Variants in RALGPS1 observed in about 807,000 individuals in gnomAD.
RALGPS1 encodes ras-specific guanine nucleotide-releasing factor RalGPS1.
Under a neutral mutation model 78.8 loss-of-function variants are expected in RALGPS1, and 19 were observed. The observed-to-expected ratio is 0.24, with a 90% CI of 0.17 to 0.35. RALGPS1 has a LOEUF of 0.35. Ranked by LOEUF, RALGPS1 falls within the 10% of genes least tolerant of loss-of-function variation. RALGPS1 has a pLI of 1.00. For synonymous variants in RALGPS1, 228 were observed against 256.3 expected (o/e 0.89, Z 1.06); for missense variants, 454 against 688.3 (o/e 0.66, Z 3.81).
At chr9:127,032,023 G>A (rs913900801) in intron 4 of RALGPS1, among the ~76,000 whole-genome samples, 4 of 152,214 alleles carry the variant, frequency 2.6e-5, no homozygotes, top group Non-Finnish European at 5.9e-5. Context: ...AAGACGTTTG[G>A]CGTTCAAGCT....
chr9:127,119,788 CATT>C (rs1207509835), intron 8 of RALGPS1, among the ~76,000 whole-genome samples: 8 of 152,166 alleles, frequency 5.3e-5, no homozygotes, highest in Non-Finnish European at 1.2e-4. Flanking sequence ...CAGACTGCCT[CATT>C]AGTAGTAAGT....
At chr9:127,087,457 C>G (rs188765247) in intron 8 of RALGPS1, 12 of 152,728 alleles carry the variant, frequency 7.9e-5, no homozygotes, top group Non-Finnish European at 7.3e-5. Flanking sequence ...ACATGGTACA[C>G]TTTGTGAGAA....
At chr9:127,045,724 G>A (rs1160616997) in intron 5 of RALGPS1, among the ~76,000 whole-genome samples, 1 of 138,828 alleles carries the variant, frequency 7.2e-6, no homozygotes, top group Non-Finnish European at 1.5e-5. Flanking sequence ...TATAGGCATG[G>A]GTTAGTACAC....
chr9:127,035,135 A>G (rs2046757646), intron 5 of RALGPS1, among the ~76,000 whole-genome samples: 2 of 152,114 alleles, frequency 1.3e-5, no homozygotes, highest in Non-Finnish European at 2.9e-5. Context: ...AAGCATGTCT[A>G]TCTTGTTCAT....
chr9:127,050,166 C>T (rs1160737495), intron 6 of RALGPS1, 34 bp downstream of exon 6: 4 of 1,501,450 alleles, frequency 2.7e-6, no homozygotes, highest in Non-Finnish European at 2.8e-6. Flanking sequence ...CCTTCCTTTC[C>T]CTCTTCTCTC....
In RALGPS1 at chr9:127,043,538, C is replaced by CT. The variant is rs1356192027; in HGVS notation, c.301-6503dup. Among the ~76,000 whole-genome samples, 5 of 152,170 alleles carry CT rather than the reference C, an allele frequency of 3.3e-5. No individual in the cohort carries two copies. In the East Asian group the frequency reaches 9.6e-4, roughly 29 times the overall value. ...AAACGTAGAAGAAAACCTGTATGAC[C>CT]TTGGATTTGTTAATGAGTTATCAGA... is the stretch of plus-strand genomic sequence containing the variant. On this transcript the variant is annotated intron_variant, in intron 5 of 18. Coordinates refer to ENST00000259351, the MANE Select transcript of RALGPS1 (RefSeq NM_014636.3).
intron 11 of RALGPS1, among the ~76,000 whole-genome samples, chr9:127,187,567 T>C (rs1229908284): frequency 1.3e-5 from 2 of 152,236 alleles, no homozygotes; most frequent in Non-Finnish European, 1.5e-5. Context: ...TTATTATTAC[T>C]ACCACAACAC....
At position 126,939,312 on chromosome 9, in the gene RALGPS1, T is replaced by C. The variant is rs188447550; in HGVS notation, c.-65-22913T>C. Among the ~76,000 whole-genome samples the C allele has an allele frequency of 3.8e-3, 572 of 152,282 alleles. 2 individuals are homozygous for C. Among genetic ancestry groups the C allele is most frequent in the South Asian group, 0.011 (51 of 4,830 alleles). On this transcript the variant is annotated intron_variant, in intron 1 of 18. Transcript: ENST00000259351. ...CTCACTCTGACCTTTCTCCTTTCCA[T>C]AGTAGGCAGGGGAAGTATTCATTCA...
At chr9:127,181,630 T>A (rs1242333446) in intron 11 of RALGPS1, among the ~76,000 whole-genome samples, 1 of 152,238 alleles carries the variant, frequency 6.6e-6, no homozygotes, top group Non-Finnish European at 1.5e-5. Context: ...ACTCCAAACC[T>A]GATCTAACAT....
intron 4 of RALGPS1, among the ~76,000 whole-genome samples, chr9:127,027,787 T>A (rs2046083914): frequency 6.6e-6 from 1 of 152,232 alleles, no homozygotes; most frequent in Non-Finnish European, 1.5e-5. Flanking sequence ...TGACACCATG[T>A]AGAGCGTGGG....
chr9:127,117,477 G>A (rs956959200), intron 8 of RALGPS1, among the ~76,000 whole-genome samples: 1 of 152,254 alleles, frequency 6.6e-6, no homozygotes, highest in African/African-American at 2.4e-5. Flanking sequence ...CAGGAACAAG[G>A]TGGGTGAGGT....
intron 7 of RALGPS1, among the ~76,000 whole-genome samples, chr9:127,064,287 C>T (rs1263617779): frequency 1.3e-5 from 2 of 152,166 alleles, no homozygotes; most frequent in Non-Finnish European, 2.9e-5. Flanking sequence ...CCTGAGGCTT[C>T]CCATAAACTC....
chr9:127,031,800 C>T (rs922201641), intron 4 of RALGPS1, among the ~76,000 whole-genome samples: 4 of 152,140 alleles, frequency 2.6e-5, no homozygotes, highest in Admixed American at 6.5e-5. Context: ...CATTCTAGTG[C>T]GAAAGATTCC....
At chr9:127,058,862 T>C (rs1195012030) in intron 7 of RALGPS1, among the ~76,000 whole-genome samples, 1 of 152,220 alleles carries the variant, frequency 6.6e-6, no homozygotes, top group African/African-American at 2.4e-5. Flanking sequence ...TGATTTGCTC[T>C]TTCCTACTGA....
intron 8 of RALGPS1, among the ~76,000 whole-genome samples, chr9:127,147,901 GGTT>G (rs1368030006): frequency 2.0e-5 from 3 of 152,130 alleles, no homozygotes; most frequent in African/African-American, 7.2e-5. Context: ...AGCCTTGCAA[GGTT>G]GGAGTTATGC....
chr9:127,218,919 C>A lies in RALGPS1; in HGVS notation c.*150C>A. ...GGACACGGCCTGTGGCCTCACCATCCCAGAGGGCTTCACCAGTGTGGGATC... is the reference window on the plus strand; with the variant it reads ...GGACACGGCCTGTGGCCTCACCATCACAGAGGGCTTCACCAGTGTGGGATC... On this transcript the variant is annotated 3_prime_UTR_variant, in exon 19 of 19. Coordinates refer to ENST00000259351, the MANE Select transcript of RALGPS1 (RefSeq NM_014636.3). The surrounding 1 kb of genome is among the most constrained non-coding windows in gnomAD (Gnocchi z 4.4). 1.2e-6 allele frequency: 1 copy of A among 861,402 alleles called. No individual in the cohort carries two copies. The highest frequency in any genetic ancestry group is 1.9e-6 in the Non-Finnish European group (1 of 519,094). The allele number at this position is 861,402 out of a possible 1,614,324, so 53.4% of individuals were successfully genotyped here. A position where few individuals can be genotyped will look rare whatever the true frequency, so the allele number is the denominator to read the frequency against.
At chr9:127,141,635 A>G (rs1350991903) in intron 8 of RALGPS1, among the ~76,000 whole-genome samples, 1 of 151,318 alleles carries the variant, frequency 6.6e-6, no homozygotes. Context: ...AAAAAAAAAA[A>G]AAAAAGAAAG....
intron 8 of RALGPS1, among the ~76,000 whole-genome samples, chr9:127,089,505 A>G (rs2052194396): frequency 6.6e-6 from 1 of 152,218 alleles, no homozygotes; most frequent in Non-Finnish European, 1.5e-5. Flanking sequence ...AGGGAACTCC[A>G]CACCTTGTGT....
intron 1 of RALGPS1, among the ~76,000 whole-genome samples, chr9:126,915,177 G>C (rs993819599): frequency 1.7e-4 from 24 of 144,572 alleles, no homozygotes; most frequent in African/African-American, 5.8e-4. Flanking sequence ...GCCCGGCGCC[G>C]GGGCCTGGCC....
Sources: allele counts gnomAD v4.1 joint callset (sites outside exome capture counted in the v4.1 genomes callset), GRCh38; gene constraint gnomAD v4.1.1; non-coding constraint Gnocchi (gnomAD v3.1); transcripts MANE v1.5; gene names NCBI Gene and HGNC (gene_info 2026-07-23, HGNC 2026-07-21).